The following PPP1R9A variants were observed in gnomAD, a reference collection of about 807,000 sequenced individuals.
The protein encoded by PPP1R9A is protein phosphatase 1 regulatory subunit 9A.
Under a neutral mutation model 141.9 loss-of-function variants are expected in PPP1R9A, and 59 were observed. The ratio of observed to expected loss-of-function variants is 0.42; its 90% CI spans 0.34 to 0.52. The LOEUF is 0.52. PPP1R9A is among the 20% of genes least tolerant of loss of function. The pLI, the probability that PPP1R9A is intolerant of heterozygous loss-of-function variation, is 0.10. For synonymous variants in PPP1R9A, 500 were observed against 569.7 expected, an observed-to-expected ratio of 0.88 and a Z score of 1.74; for missense variants, 1,444 against 1,611.9, an observed-to-expected ratio of 0.90 and a Z score of 1.78.
intron 3 of PPP1R9A, among the ~76,000 whole-genome samples, chr7:95,120,195 C>T (rs931199383): frequency 6.6e-6 from 1 of 151,694 alleles, no homozygotes; most frequent in African/African-American, 2.4e-5. Flanking sequence ...GGCCTCAAGC[C>T]ATCCACCTGC....
In PPP1R9A at chr7:95,053,581, T is replaced by C. The variant is rs76310185; in HGVS notation, c.1396-57678T>C. On this transcript the variant is annotated intron_variant, in intron 2 of 19. Coordinates refer to ENST00000433360, the MANE Select transcript of PPP1R9A (RefSeq NM_001166160.2). ...CTATTCGTAGATGTAATTTTACTTT[T>C]GAACTATGATGGGAGAGGGGGATGA... Among the ~76,000 whole-genome samples, 137 of 152,362 alleles carry C rather than the reference T, an allele frequency of 9.0e-4. 1 individual carries two copies. In the East Asian group the frequency reaches 0.022, roughly 25 times the overall value.
chr7:95,007,535 G>A (rs1803794187), intron 2 of PPP1R9A, among the ~76,000 whole-genome samples: 1 of 152,092 alleles, frequency 6.6e-6, no homozygotes, highest in Non-Finnish European at 1.5e-5. Context: ...GTGTTATTAT[G>A]TATAAGAACC....
chr7:95,175,068 C>A (rs1832702400), intron 5 of PPP1R9A: 1 of 152,132 alleles, frequency 6.6e-6, no homozygotes, highest in South Asian at 2.1e-4. Context: ...ATGCAATCTG[C>A]CATCTTTTTG....
intron 8 of PPP1R9A, among the ~76,000 whole-genome samples, chr7:95,226,649 A>G (rs1795182414): frequency 6.6e-6 from 1 of 152,180 alleles, no homozygotes; most frequent in East Asian, 1.9e-4. Flanking sequence ...CAGCTTTATA[A>G]GATGCACAGC....
At chr7:94,981,740 T>G (rs1418496553) in intron 2 of PPP1R9A, among the ~76,000 whole-genome samples, 1 of 152,148 alleles carries the variant, frequency 6.6e-6, no homozygotes, top group East Asian at 1.9e-4. Context: ...AGTGTCCATA[T>G]TTTCATAGCA....
intron 2 of PPP1R9A, among the ~76,000 whole-genome samples, chr7:94,936,957 G>A (rs1013138375): frequency 4.6e-5 from 7 of 151,502 alleles, no homozygotes; most frequent in African/African-American, 1.7e-4. Flanking sequence ...AATTTTTTTT[G>A]TTTTATCCCT....
intron 5 of PPP1R9A, among the ~76,000 whole-genome samples, chr7:95,189,758 T>A (rs1835216332): frequency 6.6e-6 from 1 of 152,122 alleles, no homozygotes; most frequent in South Asian, 2.1e-4. Flanking sequence ...TCTTTAAAAA[T>A]TATTTGTCTT....
In PPP1R9A at chr7:94,971,099, A is replaced by G. The variant is rs78851557; in HGVS notation, c.1395+59591A>G. On this transcript the variant is annotated intron_variant, in intron 2 of 19. Coordinates refer to ENST00000433360, the MANE Select transcript of PPP1R9A (RefSeq NM_001166160.2). Reference sequence around the variant, plus strand: ...CAGAGTCTAGTAGGAGAGAGGGGAAAGGGACAAAAGAGAAAAAAAAGCAAT... The same window carrying G: ...CAGAGTCTAGTAGGAGAGAGGGGAAGGGGACAAAAGAGAAAAAAAAGCAAT... 1.1e-3 allele frequency among the ~76,000 whole-genome samples: 172 copies of G among 152,242 alleles called. No individual in the cohort carries two copies. In the East Asian group the frequency reaches 0.022, roughly 20 times the overall value.
intron 2 of PPP1R9A, among the ~76,000 whole-genome samples, chr7:95,051,282 A>G (rs1810763236): frequency 6.6e-6 from 1 of 151,950 alleles, no homozygotes; most frequent in South Asian, 2.1e-4. Context: ...TTTGTCAAAG[A>G]TCAGTCAAGC....
intron 4 of PPP1R9A, among the ~76,000 whole-genome samples, chr7:95,147,743 A>G (rs1236956621): frequency 6.6e-6 from 1 of 152,168 alleles, no homozygotes; most frequent in Non-Finnish European, 1.5e-5. Context: ...TTCCACATCT[A>G]TTGAGATAAT....
intron 2 of PPP1R9A, among the ~76,000 whole-genome samples, chr7:94,948,426 G>T (rs970862434): frequency 2.6e-5 from 4 of 151,950 alleles, no homozygotes; most frequent in African/African-American, 7.3e-5. Context: ...GCAGCTGGAG[G>T]TTTCTATTTG....
At chr7:95,037,376 T>TAAAG (rs1169954981) in intron 2 of PPP1R9A, among the ~76,000 whole-genome samples, 1 of 152,186 alleles carries the variant, frequency 6.6e-6, no homozygotes, top group African/African-American at 2.4e-5. Context: ...TTCATAAATA[T>TAAAG]AAAGCATTGT....
intron 8 of PPP1R9A, among the ~76,000 whole-genome samples, chr7:95,244,200 G>A (rs188398347): frequency 8.5e-5 from 13 of 152,250 alleles, no homozygotes; most frequent in African/African-American, 2.9e-4. Context: ...TTGCGCAGTT[G>A]TTCTCACCTC....
At chr7:95,193,512 A>G (rs1835815161) in intron 5 of PPP1R9A, among the ~76,000 whole-genome samples, 1 of 152,038 alleles carries the variant, frequency 6.6e-6, no homozygotes, top group Non-Finnish European at 1.5e-5. Context: ...CTTATGCAGT[A>G]TGGAACAATT....
At chr7:95,212,647 T>C (rs1340965307) in intron 7 of PPP1R9A, among the ~76,000 whole-genome samples, 1 of 152,216 alleles carries the variant, frequency 6.6e-6, no homozygotes, top group African/African-American at 2.4e-5. Context: ...CATGTCAGCC[T>C]CAACCTTTTG....
intron 2 of PPP1R9A, among the ~76,000 whole-genome samples, chr7:95,104,978 G>GC (rs5885899): frequency 0.5 from 76,588 of 151,930 alleles, 20,418 homozygotes; most frequent in African/African-American, 0.65. Context: ...AGCACACTTT[G>GC]CTAGCCATCA....
intron 4 of PPP1R9A, among the ~76,000 whole-genome samples, chr7:95,133,784 CCT>C (rs1395668919): frequency 1.3e-5 from 2 of 151,958 alleles, no homozygotes; most frequent in African/African-American, 4.8e-5. Flanking sequence ...GCAACCTCCA[CCT>C]CCCGGGTTCA....
intron 7 of PPP1R9A, among the ~76,000 whole-genome samples, chr7:95,221,784 T>C (rs1231543498): frequency 6.6e-6 from 1 of 152,054 alleles, no homozygotes; most frequent in Non-Finnish European, 1.5e-5. Context: ...AAGGATCTTT[T>C]TCATCTGTTT....
chr7:95,176,974 C>A (rs1410588299), intron 5 of PPP1R9A, among the ~76,000 whole-genome samples: 1 of 152,090 alleles, frequency 6.6e-6, no homozygotes, highest in Non-Finnish European at 1.5e-5. Context: ...ACTTCCCAGG[C>A]CTTGCTAGAG....
Sources: allele counts gnomAD v4.1 joint callset (sites outside exome capture counted in the v4.1 genomes callset), GRCh38; gene constraint gnomAD v4.1.1; transcripts MANE v1.5; gene names NCBI Gene and HGNC (gene_info 2026-07-23, HGNC 2026-07-21).